Variants in SCHIP1 observed in about 807,000 individuals in gnomAD.
The protein encoded by SCHIP1 is schwannomin-interacting protein 1.
Under a neutral mutation model 29.7 loss-of-function variants are expected in SCHIP1, and 8 were observed. The observed-to-expected ratio is 0.27, with a 90% confidence interval of 0.16 to 0.49. The LOEUF (loss-of-function observed/expected upper bound fraction) is 0.49. Among genes scored for constraint, SCHIP1 ranks in the 20% least tolerant of loss-of-function variants. The probability of loss-of-function intolerance (pLI) is 0.99; values close to 1 mark genes in which losing one functional copy is unlikely to be tolerated. For synonymous variants in SCHIP1, 76 were observed against 94.9 expected (o/e 0.80, Z 1.16); for missense variants, 193 against 294.6 (o/e 0.66, Z 2.52).
the SCHIP1 span, among the ~76,000 whole-genome samples, chr3:159,423,278 G>T: frequency 6.6e-6 from 1 of 152,246 alleles, no homozygotes; most frequent in Non-Finnish European, 1.5e-5. Context: ...GGAAGCTCAA[G>T]GGGTCAAGGA....
the SCHIP1 span, among the ~76,000 whole-genome samples, chr3:159,725,512 G>A: frequency 6.6e-6 from 1 of 152,124 alleles, no homozygotes; most frequent in Non-Finnish European, 1.5e-5. Flanking sequence ...GGATCCGCCT[G>A]CCTCCGCCTT....
chr3:159,484,804 C>A, the SCHIP1 span, among the ~76,000 whole-genome samples: 10 of 152,122 alleles, frequency 6.6e-5, no homozygotes, highest in Non-Finnish European at 1.3e-4. Flanking sequence ...CACAGAATCC[C>A]ATCATTGTTT....
chr3:159,347,021 A>AT, the SCHIP1 span, among the ~76,000 whole-genome samples: 12 of 151,852 alleles, frequency 7.9e-5, no homozygotes, highest in East Asian at 2.1e-3. Context: ...TGCCTCCCTT[A>AT]TTTTTTTTCC....
the SCHIP1 span, among the ~76,000 whole-genome samples, chr3:159,456,518 G>A: frequency 6.6e-6 from 1 of 152,256 alleles, no homozygotes; most frequent in Admixed American, 6.5e-5. Context: ...TCTCTATCCT[G>A]TGAAAGTTAG....
chr3:159,792,157 T>C, the SCHIP1 span, among the ~76,000 whole-genome samples: 2 of 152,210 alleles, frequency 1.3e-5, no homozygotes, highest in African/African-American at 4.8e-5. Context: ...ATAATGGAGT[T>C]GGTACTGATA....
chr3:159,458,777 T>G, the SCHIP1 span, among the ~76,000 whole-genome samples: 1 of 152,170 alleles, frequency 6.6e-6, no homozygotes, highest in African/African-American at 2.4e-5. Flanking sequence ...GGAATTAATC[T>G]TTTATCCATG....
At chr3:159,599,563 G>T in the SCHIP1 span, among the ~76,000 whole-genome samples, 1 of 152,132 alleles carries the variant, frequency 6.6e-6, no homozygotes, top group Admixed American at 6.6e-5. Context: ...CATGTACGTT[G>T]CTTCAAATGC....
chr3:159,426,693 C>A, the SCHIP1 span, among the ~76,000 whole-genome samples: 2 of 152,184 alleles, frequency 1.3e-5, no homozygotes, highest in African/African-American at 4.8e-5. Context: ...ATGAGGCCAG[C>A]ATCATCCTGA....
the SCHIP1 span, among the ~76,000 whole-genome samples, chr3:159,576,667 T>C: frequency 1.3e-5 from 2 of 152,338 alleles, no homozygotes; most frequent in East Asian, 1.9e-4. Flanking sequence ...TACCCTTTCA[T>C]TGAAGTGTGA....
chr3:159,833,782 CT>C, the SCHIP1 span, among the ~76,000 whole-genome samples: 2 of 152,192 alleles, frequency 1.3e-5, no homozygotes, highest in African/African-American at 4.8e-5. Context: ...TTTAAACCTC[CT>C]TACTCTACCC....
At chr3:159,324,731 G>A in the SCHIP1 span, among the ~76,000 whole-genome samples, 1 of 152,062 alleles carries the variant, frequency 6.6e-6, no homozygotes, top group Non-Finnish European at 1.5e-5. Context: ...TTTCTCTTAT[G>A]GAGGATTAAT....
At chr3:159,647,414 G>A in the SCHIP1 span, among the ~76,000 whole-genome samples, 1 of 152,246 alleles carries the variant, frequency 6.6e-6, no homozygotes, top group Non-Finnish European at 1.5e-5. Flanking sequence ...TCACTGGATT[G>A]AAGAAGAAAA....
intron 2 of SCHIP1, among the ~76,000 whole-genome samples, chr3:159,870,676 A>G (rs1715161566): frequency 6.6e-6 from 1 of 152,048 alleles, no homozygotes; most frequent in Non-Finnish European, 1.5e-5. Context: ...GTAAATAATT[A>G]TAAATAAAAT....
the SCHIP1 span, among the ~76,000 whole-genome samples, chr3:159,500,934 G>A: frequency 6.6e-6 from 1 of 151,994 alleles, no homozygotes; most frequent in Non-Finnish European, 1.5e-5. Context: ...AGTTTACTCT[G>A]GTTCCTACTC....
the SCHIP1 span, among the ~76,000 whole-genome samples, chr3:159,590,335 A>G: frequency 2.6e-4 from 39 of 152,262 alleles, no homozygotes; most frequent in African/African-American, 8.7e-4. Context: ...CAGCACTTTC[A>G]GAGGCGAAGG....
chr3:159,516,503 A>T, the SCHIP1 span, among the ~76,000 whole-genome samples: 1 of 151,948 alleles, frequency 6.6e-6, no homozygotes, highest in African/African-American at 2.4e-5. Context: ...TCTCATGTCC[A>T]CTAACTCAAT....
the SCHIP1 span, among the ~76,000 whole-genome samples, chr3:159,623,150 C>T: frequency 1.3e-5 from 2 of 152,152 alleles, no homozygotes; most frequent in African/African-American, 2.4e-5. Flanking sequence ...TGAAAATGCT[C>T]ATCAAGTAGG....
chr3:159,586,759 T>C, the SCHIP1 span, among the ~76,000 whole-genome samples: 1 of 152,120 alleles, frequency 6.6e-6, no homozygotes, highest in African/African-American at 2.4e-5. Flanking sequence ...GCAGACCCCA[T>C]GGCTGCTGCC....
At chr3:159,619,234 G>A in the SCHIP1 span, among the ~76,000 whole-genome samples, 2 of 152,150 alleles carry the variant, frequency 1.3e-5, no homozygotes, top group African/African-American at 2.4e-5. Flanking sequence ...CATCCATGAA[G>A]AGCAACTGAC....
Sources: gnomAD v4.1 joint callset for allele counts (sites outside exome capture counted in the v4.1 genomes callset) on GRCh38, gnomAD v4.1.1 for gene constraint, MANE v1.5 for transcripts, NCBI Gene and HGNC (gene_info 2026-07-23, HGNC 2026-07-21) for gene names.